The following AGBL1 variants were observed in gnomAD, a reference collection of about 807,000 sequenced individuals.
AGBL1 encodes the protein cytosolic carboxypeptidase 4.
A neutral mutation model predicts 118.9 loss-of-function variants in AGBL1; 130 were observed. The ratio of observed to expected loss-of-function variants is 1.09; its 90% CI spans 0.95 to 1.26. The LOEUF (loss-of-function observed/expected upper bound fraction) is 1.26, where lower values mean the gene tolerates loss of function less well. AGBL1 is among the 50% of genes most tolerant of loss of function. The probability of loss-of-function intolerance (pLI) is 0.00; values close to 1 mark genes in which losing one functional copy is unlikely to be tolerated. For missense variants in AGBL1, 1,584 were observed against 1,298.1 expected, an observed-to-expected ratio of 1.22 and a Z score of -3.38; for synonymous variants, 555 against 478.9, an observed-to-expected ratio of 1.16 and a Z score of -2.08.
intron 6 of AGBL1, among the ~76,000 whole-genome samples, chr15:86,239,939 C>A (rs926498381): frequency 6.6e-6 from 1 of 152,116 alleles, no homozygotes; most frequent in Non-Finnish European, 1.5e-5. Context: ...TATATAGGCA[C>A]GGGAACCTCA....
At chr15:86,705,293 G>GAAACA (rs374248925) in intron 22 of AGBL1, among the ~76,000 whole-genome samples, 4 of 152,048 alleles carry the variant, frequency 2.6e-5, no homozygotes, top group East Asian at 3.9e-4. Context: ...TCCCAGAACT[G>GAAACA]AAACAAAACA....
intron 22 of AGBL1, among the ~76,000 whole-genome samples, chr15:86,702,163 A>T (rs1379152908): frequency 6.6e-6 from 1 of 152,184 alleles, no homozygotes; most frequent in Non-Finnish European, 1.5e-5. Context: ...AAATATAGAC[A>T]TGAGTAAAGA....
At chr15:86,776,072 G>A (rs6496362) in intron 22 of AGBL1, among the ~76,000 whole-genome samples, 35,153 of 152,016 alleles carry the variant, frequency 0.23, 4,202 homozygotes, top group African/African-American at 0.29. Context: ...TGATTGTTCA[G>A]TGGTCATCAA....
At chr15:86,137,833 C>A (rs2076909631) in intron 1 of AGBL1, among the ~76,000 whole-genome samples, 1 of 152,148 alleles carries the variant, frequency 6.6e-6, no homozygotes, top group Non-Finnish European at 1.5e-5. Flanking sequence ...TCAGAGGCAG[C>A]TCCGGAGGAA....
chr15:86,994,775 A>G (rs2081365569), intron 24 of AGBL1, among the ~76,000 whole-genome samples: 1 of 152,238 alleles, frequency 6.6e-6, no homozygotes, highest in African/African-American at 2.4e-5. Context: ...AAATTTAAAC[A>G]TTCCAATTAG....
intron 22 of AGBL1, among the ~76,000 whole-genome samples, chr15:86,721,965 C>T (rs2086728836): frequency 6.6e-6 from 1 of 152,110 alleles, no homozygotes; most frequent in African/African-American, 2.4e-5. Context: ...TGAAGGACCT[C>T]TTCAAGGAGA....
intron 15 of AGBL1, among the ~76,000 whole-genome samples, chr15:86,277,291 T>A (rs1230802058): frequency 1.5e-5 from 2 of 132,126 alleles, no homozygotes; most frequent in Admixed American, 7.6e-5. Context: ...AGAGAGAGAG[T>A]GTGTGTGTGT....
chr15:86,645,783 A>G (rs999658407), intron 21 of AGBL1, among the ~76,000 whole-genome samples: 7 of 152,202 alleles, frequency 4.6e-5, no homozygotes, highest in Non-Finnish European at 1.0e-4. Context: ...CTGCATTACA[A>G]TCTTGGTTTT....
intron 9 of AGBL1, among the ~76,000 whole-genome samples, chr15:86,262,328 T>G (rs12917220): frequency 2.0e-5 from 3 of 152,130 alleles, no homozygotes; most frequent in African/African-American, 7.2e-5. Context: ...TGTTCCATTG[T>G]GACCGAAACT....
intron 17 of AGBL1, among the ~76,000 whole-genome samples, chr15:86,343,869 A>G (rs2080497565): frequency 6.6e-6 from 1 of 152,180 alleles, no homozygotes; most frequent in African/African-American, 2.4e-5. Flanking sequence ...TGATAGGGCT[A>G]TGAAATATGG....
chr15:86,235,934 A>G (rs2078534211), intron 6 of AGBL1, among the ~76,000 whole-genome samples: 1 of 152,158 alleles, frequency 6.6e-6, no homozygotes, highest in Non-Finnish European at 1.5e-5. Flanking sequence ...TCAGCCCAAG[A>G]TGTCAGTAGT....
chr15:86,153,198 A>G (rs548496554), intron 3 of AGBL1, among the ~76,000 whole-genome samples: 18 of 152,348 alleles, frequency 1.2e-4, no homozygotes, highest in African/African-American at 4.1e-4. Flanking sequence ...GCTACTATAA[A>G]GATACATGCA....
intron 18 of AGBL1, among the ~76,000 whole-genome samples, chr15:86,403,171 G>A (rs2081473613): frequency 6.6e-6 from 1 of 152,042 alleles, no homozygotes. Context: ...GTGAGGGAGA[G>A]GATAAGTCAA....
rs114264666 is a variant in AGBL1 at position 86,522,193 on chromosome 15, T to C, written c.2556-617T>C. Among the ~76,000 whole-genome samples the C allele has an allele frequency of 5.4e-3, 818 of 152,296 alleles. 8 individuals are homozygous for C. The highest frequency in any genetic ancestry group is 0.019 in the African/African-American group (789 of 41,546). ...TTTTGAGCTCATTATTGCTCTAATA[T>C]ACCATGATGATATAGTTGAAAAAGG... On this transcript the variant is annotated intron_variant, in intron 18 of 22. Coordinates refer to ENST00000614907, the MANE Select transcript of AGBL1 (RefSeq NM_001386094.1).
chr15:86,532,530 A>G (rs2083365004), intron 19 of AGBL1, among the ~76,000 whole-genome samples: 1 of 128,408 alleles, frequency 7.8e-6, no homozygotes, highest in Non-Finnish European at 1.6e-5. Context: ...AAATGGCCAT[A>G]CTGCCCAAGG....
downstream of AGBL1, among the ~76,000 whole-genome samples, chr15:86,920,518 A>C (rs776188126): frequency 2.6e-5 from 4 of 152,186 alleles, no homozygotes; most frequent in Non-Finnish European, 4.4e-5. Flanking sequence ...AAAAGTGGGG[A>C]AGGGGAAAAC....
intron 21 of AGBL1, among the ~76,000 whole-genome samples, chr15:86,663,250 C>T (rs1322195213): frequency 2.0e-5 from 3 of 152,320 alleles, no homozygotes; most frequent in African/African-American, 7.2e-5. Flanking sequence ...CCAAACAAAA[C>T]GGAACTCAGC....
At chr15:86,318,398 A>C (rs73451598) in intron 17 of AGBL1, among the ~76,000 whole-genome samples, 6,262 of 151,774 alleles carry the variant, frequency 0.041, 382 homozygotes, top group African/African-American at 0.13. Flanking sequence ...TCATATAAAT[A>C]TTTCATAAAA....
At chr15:86,352,640 C>T (rs1199715201) in intron 17 of AGBL1, among the ~76,000 whole-genome samples, 2 of 152,182 alleles carry the variant, frequency 1.3e-5, no homozygotes, top group Non-Finnish European at 2.9e-5. Context: ...CACTACTGCA[C>T]CTGACTAATT....
Sources: gnomAD v4.1 joint callset for allele counts (sites outside exome capture counted in the v4.1 genomes callset) on GRCh38, gnomAD v4.1.1 for gene constraint, MANE v1.5 for transcripts, NCBI Gene and HGNC (gene_info 2026-07-23, HGNC 2026-07-21) for gene names.